The following TMEM117 variants were observed in gnomAD, a reference collection of about 807,000 sequenced individuals.
The protein encoded by TMEM117 is transmembrane protein 117.
Under a neutral mutation model 52.4 loss-of-function variants are expected in TMEM117, and 27 were observed. That is an observed-to-expected ratio of 0.51 (90% confidence interval 0.38 to 0.71). The LOEUF is 0.71. Among genes scored for constraint, TMEM117 ranks in the 30% least tolerant of loss-of-function variants. The pLI is 0.00. For synonymous variants in TMEM117, 215 were observed against 206.3 expected (o/e 1.04, Z -0.36); for missense variants, 556 against 630.5 (o/e 0.88, Z 1.26).
chr12:43,848,724 A>G (rs1391002522), intron 2 of TMEM117, among the ~76,000 whole-genome samples: 1 of 152,224 alleles, frequency 6.6e-6, no homozygotes, highest in Non-Finnish European at 1.5e-5. Flanking sequence ...TCAGCTTACG[A>G]AGATAACAGG....
chr12:44,080,858 G>C (rs1042421925), intron 3 of TMEM117, among the ~76,000 whole-genome samples: 7 of 152,172 alleles, frequency 4.6e-5, no homozygotes, highest in African/African-American at 1.7e-4. Context: ...TTCCATGGCA[G>C]AATAGAGTTG....
At chr12:43,955,621 G>A (rs1049181042) in intron 3 of TMEM117, among the ~76,000 whole-genome samples, 23 of 151,942 alleles carry the variant, frequency 1.5e-4, no homozygotes, top group Admixed American at 4.6e-4. Flanking sequence ...ACTACAGACC[G>A]GTCAAGGAAA....
chr12:44,187,778 A>C (rs960911880), intron 4 of TMEM117, among the ~76,000 whole-genome samples: 2 of 152,140 alleles, frequency 1.3e-5, no homozygotes, highest in East Asian at 3.9e-4. Context: ...TAAGGGGTAC[A>C]GTACACACTC....
intron 6 of TMEM117, among the ~76,000 whole-genome samples, chr12:44,365,153 C>T (rs1951773093): frequency 6.6e-6 from 1 of 152,012 alleles, no homozygotes; most frequent in African/African-American, 2.4e-5. Context: ...AAACCATCTA[C>T]AGTTAAATGC....
intron 2 of TMEM117, among the ~76,000 whole-genome samples, chr12:43,887,375 G>C (rs1944015829): frequency 6.6e-6 from 1 of 152,176 alleles, no homozygotes; most frequent in Admixed American, 6.5e-5. Context: ...GCTGTTTTGT[G>C]CAATGTACAC....
At chr12:44,296,042 C>G (rs1174409106) in intron 5 of TMEM117, among the ~76,000 whole-genome samples, 4 of 152,138 alleles carry the variant, frequency 2.6e-5, no homozygotes, top group Admixed American at 2.6e-4. Flanking sequence ...CCACAGTCGA[C>G]TGGAATTTTA....
At chr12:43,891,205 T>C (rs1944096283) in intron 2 of TMEM117, among the ~76,000 whole-genome samples, 1 of 151,934 alleles carries the variant, frequency 6.6e-6, no homozygotes, top group Non-Finnish European at 1.5e-5. Flanking sequence ...ATTTGTTGAG[T>C]GCATACCATG....
At chr12:44,115,914 CA>C (rs916542613) in intron 3 of TMEM117, among the ~76,000 whole-genome samples, 4 of 152,174 alleles carry the variant, frequency 2.6e-5, no homozygotes, top group Non-Finnish European at 5.9e-5. Context: ...GTGTCTTTCT[CA>C]TTGCTTAAGC....
At chr12:44,006,351 A>G (rs1946196073) in intron 3 of TMEM117, among the ~76,000 whole-genome samples, 1 of 152,192 alleles carries the variant, frequency 6.6e-6, no homozygotes, top group Non-Finnish European at 1.5e-5. Context: ...TGCTACTTGT[A>G]ATTCCTTGAC....
At chr12:44,396,204 C>T in the TMEM117 span, among the ~76,000 whole-genome samples, 1 of 152,060 alleles carries the variant, frequency 6.6e-6, no homozygotes, top group African/African-American at 2.4e-5. Flanking sequence ...ATCACTTGTA[C>T]CACTCAACTC....
At chr12:44,251,025 G>T (rs2138511859) in intron 5 of TMEM117, among the ~76,000 whole-genome samples, 1 of 152,132 alleles carries the variant, frequency 6.6e-6, no homozygotes, top group East Asian at 1.9e-4. Context: ...TAAAAATAAA[G>T]ATTTTGAGAG....
intron 3 of TMEM117, among the ~76,000 whole-genome samples, chr12:44,082,914 T>C (rs1947505386): frequency 6.6e-6 from 1 of 152,154 alleles, no homozygotes; most frequent in African/African-American, 2.4e-5. Context: ...TGTGTGTATG[T>C]GTATATATAG....
At chr12:44,265,198 C>T (rs1004118724) in intron 5 of TMEM117, among the ~76,000 whole-genome samples, 9 of 152,132 alleles carry the variant, frequency 5.9e-5, no homozygotes, top group South Asian at 2.1e-4. Context: ...AAGAGACCAA[C>T]TAATCCAAAG....
At chr12:44,334,654 A>C (rs976085519) in intron 6 of TMEM117, among the ~76,000 whole-genome samples, 5 of 152,024 alleles carry the variant, frequency 3.3e-5, no homozygotes, top group Non-Finnish European at 7.4e-5. Flanking sequence ...GGCTTCAGAA[A>C]GGAGGTTCCA....
intron 3 of TMEM117, among the ~76,000 whole-genome samples, chr12:43,983,306 A>G (rs1380154253): frequency 6.6e-6 from 1 of 151,842 alleles, no homozygotes; most frequent in Non-Finnish European, 1.5e-5. Flanking sequence ...CAATTCTTAA[A>G]CTTCTGTTTG....
intron 3 of TMEM117, among the ~76,000 whole-genome samples, chr12:44,031,865 C>T (rs1288970332): frequency 1.3e-5 from 2 of 152,028 alleles, no homozygotes; most frequent in South Asian, 2.1e-4. Context: ...GTTATTTTAC[C>T]AAGGCTTTGG....
chr12:43,898,390 A>ATG (rs1944248256), intron 2 of TMEM117, among the ~76,000 whole-genome samples: 1 of 148,530 alleles, frequency 6.7e-6, no homozygotes, highest in Non-Finnish European at 1.5e-5. Context: ...TTAATTAATA[A>ATG]TATATTAATA....
intron 3 of TMEM117, among the ~76,000 whole-genome samples, chr12:43,963,234 A>C (rs1030918695): frequency 2.6e-5 from 4 of 151,508 alleles, no homozygotes; most frequent in African/African-American, 4.8e-5. Flanking sequence ...CTATATATAT[A>C]TCTCTATGTG....
chr12:44,362,036 A>G (rs1362794333), intron 6 of TMEM117, among the ~76,000 whole-genome samples: 5 of 152,136 alleles, frequency 3.3e-5, no homozygotes, highest in African/African-American at 7.2e-5. Context: ...CTACTTTTTC[A>G]AGGGCTAGAT....
Sources: allele counts gnomAD v4.1 joint callset (sites outside exome capture counted in the v4.1 genomes callset), GRCh38; gene constraint gnomAD v4.1.1; transcripts MANE v1.5; gene names NCBI Gene and HGNC (gene_info 2026-07-23, HGNC 2026-07-21).